Variants in CCDC178 observed in about 807,000 individuals in gnomAD.
CCDC178 encodes coiled-coil domain-containing protein 178.
In CCDC178, 126 loss-of-function variants were observed where a neutral mutation model predicts 117.4. The observed-to-expected ratio is 1.07, with a 90% CI of 0.93 to 1.24. The LOEUF is 1.24. Among genes scored for constraint, CCDC178 ranks in the 50% most tolerant of loss-of-function variants. The pLI is 0.00. For synonymous variants in CCDC178, 283 were observed against 313.4 expected, an observed-to-expected ratio of 0.90 and a Z score of 1.02; for missense variants, 1,030 against 986.9, an observed-to-expected ratio of 1.04 and a Z score of -0.59.
chr18:33,439,633 A>T (rs115749070), intron 2 of CCDC178, among the ~76,000 whole-genome samples: 2,318 of 152,298 alleles, frequency 0.015, 64 homozygotes, highest in African/African-American at 0.053. Context: ...TGAGTTCTTA[A>T]ACTTGGTAAG....
intron 21 of CCDC178, among the ~76,000 whole-genome samples, chr18:33,079,614 A>C (rs1225694450): frequency 1.3e-5 from 2 of 152,230 alleles, no homozygotes; most frequent in African/African-American, 4.8e-5. Context: ...AAAGTGGGCA[A>C]AGGACATCAA....
intron 21 of CCDC178, among the ~76,000 whole-genome samples, chr18:33,009,711 CAAGAAT>C (rs1475357079): frequency 6.6e-6 from 1 of 152,070 alleles, no homozygotes; most frequent in Non-Finnish European, 1.5e-5. Flanking sequence ...CTCACTAGAA[CAAGAAT>C]GTCTGTTTTA....
intron 21 of CCDC178, among the ~76,000 whole-genome samples, chr18:33,052,440 T>C (rs1480842286): frequency 6.6e-6 from 1 of 152,228 alleles, no homozygotes; most frequent in Non-Finnish European, 1.5e-5. Context: ...CAATTTTTAC[T>C]ACTGAGAGTT....
chr18:33,249,031 T>C (rs1265842320), intron 14 of CCDC178, among the ~76,000 whole-genome samples: 2 of 152,178 alleles, frequency 1.3e-5, no homozygotes, highest in Non-Finnish European at 2.9e-5. Context: ...TGATGAGCAT[T>C]TTTTCATGTG....
intron 10 of CCDC178, among the ~76,000 whole-genome samples, chr18:33,329,352 A>G (rs922646271): frequency 6.6e-6 from 1 of 152,210 alleles, no homozygotes; most frequent in Non-Finnish European, 1.5e-5. Context: ...AAAACTGGGT[A>G]TCCTTCTCTT....
intron 20 of CCDC178, among the ~76,000 whole-genome samples, chr18:33,145,617 C>T (rs2058258458): frequency 6.6e-6 from 1 of 152,168 alleles, no homozygotes; most frequent in Non-Finnish European, 1.5e-5. Flanking sequence ...TTCTCAGCCC[C>T]ACTGCAATTA....
At chr18:33,167,293 A>T (rs2144406901) in intron 20 of CCDC178, among the ~76,000 whole-genome samples, 1 of 152,222 alleles carries the variant, frequency 6.6e-6, no homozygotes, top group Non-Finnish European at 1.5e-5. Context: ...CAATAATGGA[A>T]TTGCTGGGTT....
At chr18:33,431,211 T>TC (rs1455036836) in intron 2 of CCDC178, among the ~76,000 whole-genome samples, 1 of 149,406 alleles carries the variant, frequency 6.7e-6, no homozygotes, top group African/African-American at 2.4e-5. Context: ...TTTTTTTTTT[T>TC]TTACTTTTAA....
rs556375170 is a variant in CCDC178, at chr18:33,406,643, T to C, written c.58+5388A>G. 9.2e-5 allele frequency among the ~76,000 whole-genome samples: 14 copies of C among 152,244 alleles called. No individual in the cohort carries two copies. In the South Asian group the frequency reaches 1.0e-3, roughly 11 times the overall value. On this transcript the variant is annotated intron_variant, in intron 3 of 22. Transcript: ENST00000383096. Reference sequence around the variant, plus strand: ...TCAGTGACATAATCCATAAGGATGATCTTATAGATATTATACTCTTAACCA... The same window carrying C: ...TCAGTGACATAATCCATAAGGATGACCTTATAGATATTATACTCTTAACCA...
chr18:33,439,434 C>T (rs928883564), intron 2 of CCDC178, among the ~76,000 whole-genome samples: 2 of 151,942 alleles, frequency 1.3e-5, no homozygotes, highest in Non-Finnish European at 2.9e-5. Flanking sequence ...CTCATATTTT[C>T]GATAGTTCTG....
intron 22 of CCDC178, among the ~76,000 whole-genome samples, chr18:32,966,842 T>G (rs914145036): frequency 1.3e-5 from 2 of 151,886 alleles, no homozygotes; most frequent in South Asian, 4.1e-4. Context: ...TTGGGTTATG[T>G]CTTTCTGGCA....
chr18:33,299,754 G>A, intron 11 of CCDC178, among the ~76,000 whole-genome samples: 1 of 137,322 alleles, frequency 7.3e-6, no homozygotes. Flanking sequence ...AATATACAAG[G>A]ATTTCAAACA....
intron 11 of CCDC178, among the ~76,000 whole-genome samples, chr18:33,295,296 A>G (rs899725043): frequency 1.3e-5 from 2 of 152,178 alleles, no homozygotes; most frequent in Non-Finnish European, 2.9e-5. Flanking sequence ...TTTATATACA[A>G]TCTAACTAAA....
At chr18:33,228,307 T>C (rs936164500) in intron 15 of CCDC178, among the ~76,000 whole-genome samples, 1 of 152,224 alleles carries the variant, frequency 6.6e-6, no homozygotes, top group African/African-American at 2.4e-5. Context: ...CATCCATTCA[T>C]TCTTTGAAGT....
At chr18:33,105,006 A>AC (rs1211471473) in intron 20 of CCDC178, among the ~76,000 whole-genome samples, 2 of 151,676 alleles carry the variant, frequency 1.3e-5, no homozygotes, top group African/African-American at 4.8e-5. Context: ...TATATTTGTA[A>AC]CTTATTGACA....
intron 22 of CCDC178, among the ~76,000 whole-genome samples, chr18:32,940,885 G>C (rs2054223615): frequency 6.6e-6 from 1 of 152,028 alleles, no homozygotes; most frequent in Non-Finnish European, 1.5e-5. Context: ...GCTTTATGTG[G>C]GAAATGATTT....
intron 20 of CCDC178, among the ~76,000 whole-genome samples, chr18:33,159,271 G>A (rs979709591): frequency 6.6e-6 from 1 of 151,970 alleles, no homozygotes; most frequent in Non-Finnish European, 1.5e-5. Context: ...GAAAATTACT[G>A]GGAGGAAAAA....
chr18:33,372,441 G>A (rs1323196086), intron 5 of CCDC178, among the ~76,000 whole-genome samples: 2 of 152,076 alleles, frequency 1.3e-5, no homozygotes, highest in Non-Finnish European at 2.9e-5. Flanking sequence ...ATAAATTAAT[G>A]TATTGGTAGG....
chr18:33,319,653 C>A (rs1218643421), intron 11 of CCDC178, among the ~76,000 whole-genome samples: 1 of 152,172 alleles, frequency 6.6e-6, no homozygotes, highest in East Asian at 1.9e-4. Flanking sequence ...TTTACAGTCC[C>A]ACCAACAGTG....
Sources: allele counts gnomAD v4.1 joint callset (sites outside exome capture counted in the v4.1 genomes callset), GRCh38; gene constraint gnomAD v4.1.1; transcripts MANE v1.5; gene names NCBI Gene and HGNC (gene_info 2026-07-23, HGNC 2026-07-21).